The following ZNF26 variants were observed in gnomAD, a reference collection of about 807,000 sequenced individuals.
ZNF26 encodes the protein zinc finger protein 26.
ZNF26 carries 32 observed loss-of-function variants against 54.9 expected under a neutral mutation model. That is an observed-to-expected ratio of 0.58 (90% confidence interval 0.44 to 0.78). ZNF26 has a LOEUF of 0.78. Ranked by LOEUF, ZNF26 falls within the 30% of genes least tolerant of loss-of-function variation. The pLI is 0.00. For synonymous variants in ZNF26, 221 were observed against 209.2 expected, an observed-to-expected ratio of 1.06 and a Z score of -0.49; for missense variants, 524 against 634.0, an observed-to-expected ratio of 0.83 and a Z score of 1.86.
chr12:132,997,464 A>C (rs1331992930), intron 1 of ZNF26, among the ~76,000 whole-genome samples: 1 of 152,000 alleles, frequency 6.6e-6, no homozygotes, highest in Non-Finnish European at 1.5e-5. Flanking sequence ...TAGAGTCCAG[A>C]ACAGGGGTTA....
At chr12:133,009,945 C>T (rs1464751450) in intron 3 of ZNF26, among the ~76,000 whole-genome samples, 191 bp from the exon 4 acceptor site, 9 of 152,200 alleles carry the variant, frequency 5.9e-5, no homozygotes, top group Non-Finnish European at 8.8e-5. Flanking sequence ...GTTTTCACGA[C>T]GGGACCTGTT....
chr12:133,006,228 G>A, intron 1 of ZNF26: 1 of 985,398 alleles, frequency 1.0e-6, no homozygotes, highest in Non-Finnish European at 1.2e-6. Flanking sequence ...AGCAAGAGAT[G>A]GAAGCCCCAG....
chr12:133,000,246 T>C (rs988304729), intron 1 of ZNF26, among the ~76,000 whole-genome samples: 2 of 151,644 alleles, frequency 1.3e-5, no homozygotes, highest in African/African-American at 4.8e-5. Flanking sequence ...ACTTTTATTC[T>C]TTTATTTATT....
At position 133,019,659 on chromosome 12, in the gene ZNF26, G is replaced by A. The variant is rs1218391403; in HGVS notation, c.*8178G>A. Reference sequence around the variant, plus strand: ...CAGCCACTATGGAGAACAGTATGGAGGCTCCTCAAAGCAACTGAAAATAGA... The same window carrying A: ...CAGCCACTATGGAGAACAGTATGGAAGCTCCTCAAAGCAACTGAAAATAGA... On this transcript the variant is annotated 3_prime_UTR_variant, in exon 4 of 4. Coordinates refer to ENST00000328654, the MANE Select transcript of ZNF26 (RefSeq NM_019591.4). 1 of 152,190 alleles carries A rather than the reference G, an allele frequency of 6.6e-6. No homozygotes were observed. Among genetic ancestry groups the A allele is most frequent in the Non-Finnish European group, 1.5e-5 (1 of 68,062 alleles). 9.4% of individuals were successfully genotyped at this position (152,190 alleles called of 1,614,324 possible).
At chr12:132,991,946 G>T (rs927041115) in intron 1 of ZNF26, among the ~76,000 whole-genome samples, 1 of 152,034 alleles carries the variant, frequency 6.6e-6, no homozygotes, top group Admixed American at 6.6e-5. Context: ...TCAGGAGTTC[G>T]AGACCAGCCT....
At chr12:132,992,058 G>A (rs1952976007) in intron 1 of ZNF26, among the ~76,000 whole-genome samples, 1 of 151,738 alleles carries the variant, frequency 6.6e-6, no homozygotes. Context: ...TGAGGTATGA[G>A]AATCGCTTGA....
chr12:132,996,641 C>T (rs1162991442), intron 1 of ZNF26, among the ~76,000 whole-genome samples: 6 of 152,192 alleles, frequency 3.9e-5, no homozygotes, highest in Admixed American at 1.3e-4. Flanking sequence ...TGTAAGTCTA[C>T]TCATCATAAA....
At chr12:133,010,032 A>G (rs1953434242) in intron 3 of ZNF26, 104 bp from the exon 4 acceptor site, 1 of 1,225,444 alleles carries the variant, frequency 8.2e-7, no homozygotes, top group Non-Finnish European at 1.1e-6. Context: ...TAGGCTTGTT[A>G]CCAAAAGAGA....
intron 1 of ZNF26, chr12:133,006,727 T>C (rs1021372655): frequency 1.0e-4 from 23 of 223,176 alleles, no homozygotes; most frequent in African/African-American, 5.3e-4. Flanking sequence ...CCTGAGTAGC[T>C]AGGATTACAA....
rs1953606062 is a variant in ZNF26 at position 133,019,150 on chromosome 12, T to G, written c.*7669T>G. The G allele has an allele frequency of 6.6e-6, 1 of 152,162 alleles. No homozygotes were observed. Among genetic ancestry groups the G allele is most frequent in the Non-Finnish European group, 1.5e-5 (1 of 68,030 alleles). 9.4% of individuals were successfully genotyped at this position (152,162 alleles called of 1,614,324 possible). A position where few individuals can be genotyped will look rare whatever the true frequency, so the allele number is the denominator to read the frequency against. ...GATAAAGAAAAGTATTTTGTAAAGATAAGTCATCAAGAAGATGTAACAATT... is the reference window on the plus strand; with the variant it reads ...GATAAAGAAAAGTATTTTGTAAAGAGAAGTCATCAAGAAGATGTAACAATT... On this transcript the variant is annotated 3_prime_UTR_variant, in exon 4 of 4. Transcript: ENST00000328654.
rs2137262679 is a variant in ZNF26 at position 133,011,391 on chromosome 12, C to T, written c.1512C>T (p.His504=). The T allele has an allele frequency of 1.2e-6, 2 of 1,610,954 alleles. No individual in the cohort carries two copies. The highest frequency in any genetic ancestry group is 1.3e-5 in the African/African-American group (1 of 74,856). ...CTCTCAGTGAACATCAGAGAGTTCA[C>T]ACCGGAGAGAAACCATGGAAATGCT... ...KSSLSEHQRV[H]TGEKPWKCSE... Residue 504 remains histidine (H), a synonymous_variant, in exon 4 of 4, where the codon CAC becomes CAT. Transcript: ENST00000328654.
intron 3 of ZNF26, 64 bp from the exon 4 acceptor site, chr12:133,010,072 G>A (rs1005777716): frequency 6.7e-7 from 1 of 1,503,706 alleles, no homozygotes; most frequent in African/African-American, 1.4e-5. Flanking sequence ...TCCTAATACT[G>A]TTTAATTCCA....
In ZNF26 at chr12:133,001,099, T is replaced by G. The variant is rs1301250581; in HGVS notation, c.34-5943T>G. Among the ~76,000 whole-genome samples, 3 of 152,172 alleles carry G rather than the reference T, an allele frequency of 2.0e-5. No individual in the cohort carries two copies. Among genetic ancestry groups the G allele is most frequent in the African/African-American group, 7.2e-5 (3 of 41,442 alleles). ...TTTCATGTTTCTTCTCCCTCAGATTTAAAGTAACCAGCTTGATAAGCACCT... is the reference window on the plus strand; with the variant it reads ...TTTCATGTTTCTTCTCCCTCAGATTGAAAGTAACCAGCTTGATAAGCACCT... On this transcript the variant is annotated intron_variant, in intron 1 of 3. Coordinates refer to ENST00000328654, the MANE Select transcript of ZNF26 (RefSeq NM_019591.4). The surrounding 1 kb of genome is among the most constrained non-coding windows in gnomAD (Gnocchi z 4.7).
rs1953483123 is a variant in ZNF26, at chr12:133,011,917, C to G, written c.*436C>G. 1 of 153,122 alleles carries G rather than the reference C, an allele frequency of 6.5e-6. No homozygotes were observed. The highest frequency in any genetic ancestry group is 2.4e-5 in the African/African-American group (1 of 41,352). The allele number at this position is 153,122 out of a possible 1,614,324, so 9.5% of individuals were successfully genotyped here. A position where few individuals can be genotyped will look rare whatever the true frequency, so the allele number is the denominator to read the frequency against. On this transcript the variant is annotated 3_prime_UTR_variant, in exon 4 of 4. Coordinates refer to ENST00000328654, the MANE Select transcript of ZNF26 (RefSeq NM_019591.4). Reference sequence around the variant, plus strand: ...TTTTTAAAAATATGTAAATAATGTTCAGGAAAAACGCAGGGAACAGAGTCT... The same window carrying G: ...TTTTTAAAAATATGTAAATAATGTTGAGGAAAAACGCAGGGAACAGAGTCT...
chr12:133,011,028 A>G lies in ZNF26; in HGVS notation c.1149A>G (p.Glu383=). Residue 383 remains glutamate (E), a synonymous_variant, in exon 4 of 4, where the codon GAA becomes GAG. Transcript: ENST00000328654. ...GTGGGAAAGCCTTTGGTAGGAAGGA[A>G]CAGCTCACTGCACATCTGAGAGCTC... ...GECGKAFGRK[E]QLTAHLRAHA... is the part of the protein sequence containing the mutation. 6.2e-7 allele frequency: 1 copy of G among 1,614,080 alleles called. No individual in the cohort carries two copies. The highest frequency in any genetic ancestry group is 8.5e-7 in the Non-Finnish European group (1 of 1,179,998).
intron 1 of ZNF26, among the ~76,000 whole-genome samples, chr12:132,999,308 G>A (rs1468372912): frequency 1.3e-5 from 2 of 152,222 alleles, no homozygotes; most frequent in Non-Finnish European, 2.9e-5. Flanking sequence ...AGGCTTGAGT[G>A]CAGTGGCACG....
chr12:133,003,402 C>T (rs905939245), intron 1 of ZNF26, among the ~76,000 whole-genome samples: 1 of 151,790 alleles, frequency 6.6e-6, no homozygotes, highest in East Asian at 1.9e-4. Flanking sequence ...CTACAGGCAC[C>T]CGCCACCACG....
At position 133,014,933 on chromosome 12, in the gene ZNF26, G is replaced by A. The variant is rs1295325172; in HGVS notation, c.*3452G>A. 3 of 152,182 alleles carry A rather than the reference G, an allele frequency of 2.0e-5. No individual in the cohort carries two copies. The highest frequency in any genetic ancestry group is 7.2e-5 in the African/African-American group (3 of 41,442). 9.4% of individuals were successfully genotyped at this position (152,182 alleles called of 1,614,324 possible). ...ATGGCAAGGGGAAGAACAAAAGTCA[G>A]GAACTTTGCCATAATCTAGAAGAAA... On this transcript the variant is annotated 3_prime_UTR_variant, in exon 4 of 4. Transcript: ENST00000328654.
At chr12:133,004,867 A>G (rs1178788331) in intron 1 of ZNF26, 1 of 152,214 alleles carries the variant, frequency 6.6e-6, no homozygotes, top group Non-Finnish European at 1.5e-5. Context: ...CTGGTATAAG[A>G]TTTCAGAATC....
Sources: allele counts gnomAD v4.1 joint callset (sites outside exome capture counted in the v4.1 genomes callset), GRCh38; gene constraint gnomAD v4.1.1; non-coding constraint Gnocchi (gnomAD v3.1); transcripts MANE v1.5; gene names NCBI Gene and HGNC (gene_info 2026-07-23, HGNC 2026-07-21).